The following P3H2 variants were observed in gnomAD, a reference collection of about 807,000 sequenced individuals.
The protein encoded by P3H2 is leprecan-like 1.
A neutral mutation model predicts 87.0 loss-of-function variants in P3H2; 80 were observed. That is an observed-to-expected ratio of 0.92 (90% CI 0.77 to 1.11). The LOEUF is 1.11. Ranked by LOEUF, P3H2 falls within the 50% of genes least tolerant of loss-of-function variation. The pLI is 0.00. For synonymous variants in P3H2, 367 were observed against 359.3 expected (o/e 1.02, Z -0.24); for missense variants, 1,001 against 923.9 (o/e 1.08, Z -1.08).
At chr3:190,047,054 C>A (rs1287034662) in intron 1 of P3H2, among the ~76,000 whole-genome samples, 5 of 141,066 alleles carry the variant, frequency 3.5e-5, no homozygotes, top group Non-Finnish European at 6.3e-5. Context: ...AACAAAAAAA[C>A]AAATAATCTG....
intron 13 of P3H2, chr3:189,969,722 A>C (rs1723112916): frequency 6.7e-7 from 1 of 1,497,938 alleles, no homozygotes; most frequent in Admixed American, 1.7e-5. Flanking sequence ...TATCTTCCCC[A>C]AAATTAAGAC....
intron 1 of P3H2, among the ~76,000 whole-genome samples, chr3:190,108,572 A>C (rs1159365576): frequency 6.6e-6 from 1 of 152,214 alleles, no homozygotes; most frequent in East Asian, 1.9e-4. Flanking sequence ...TTGATACAAA[A>C]CATCTCTGAA....
chr3:189,965,436 G>A (rs1722946256), intron 13 of P3H2, among the ~76,000 whole-genome samples: 1 of 152,020 alleles, frequency 6.6e-6, no homozygotes, highest in South Asian at 2.1e-4. Context: ...AGTGTTAAAG[G>A]GAAGAGCAGA....
chr3:190,006,338 A>G (rs892138963), intron 1 of P3H2, among the ~76,000 whole-genome samples: 1 of 152,240 alleles, frequency 6.6e-6, no homozygotes, highest in Non-Finnish European at 1.5e-5. Flanking sequence ...CAGCAGAAGT[A>G]TAATTAGAAG....
Position 190,089,983 on chromosome 3 carries a change from A to G in P3H2, c.480+30269T>C, listed in dbSNP as rs144101510. Among the ~76,000 whole-genome samples, 844 of 152,288 alleles carry G rather than the reference A, an allele frequency of 5.5e-3. 11 individuals are homozygous for G. Among genetic ancestry groups the G allele is most frequent in the African/African-American group, 0.019 (781 of 41,558 alleles). ...TGGGTCTGGCAGAGTCTCAGTGGTC[A>G]GTGAGGTAAAGAACTTGTGGTTTGG... On this transcript the variant is annotated intron_variant, in intron 1 of 14. Transcript: ENST00000319332.
chr3:190,095,526 T>A (rs1727547007), intron 1 of P3H2, among the ~76,000 whole-genome samples: 1 of 149,020 alleles, frequency 6.7e-6, no homozygotes, highest in Non-Finnish European at 1.5e-5. Flanking sequence ...TGAGCAACAA[T>A]AAGAGAGAGC....
rs200007107 is a variant in P3H2 at position 190,079,341 on chromosome 3, AAAATAAATAAATAAATAAAT to A, written c.480+40891_480+40910del. ...GTGACAAAGCAAGACTCTGTCTCAA[AAAATAAATAAATAAATAAAT>A]AAATAAATAAATAAATAAATAAATA... On this transcript the variant is annotated intron_variant, in intron 1 of 14. Coordinates refer to ENST00000319332, the MANE Select transcript of P3H2 (RefSeq NM_018192.4). Among the ~76,000 whole-genome samples, 28 of 142,038 alleles carry A rather than the reference AAAATAAATAAATAAATAAAT, an allele frequency of 2.0e-4. No individual in the cohort carries two copies. The East Asian group carries it at 3.0e-3, about 15-fold the overall frequency. 93.2% of individuals were successfully genotyped at this position (142,038 alleles called of 152,430 possible).
In P3H2 at chr3:190,114,079, C is replaced by CA. The variant is rs1220002187; in HGVS notation, c.480+6172dup. On this transcript the variant is annotated intron_variant, in intron 1 of 14. Coordinates refer to ENST00000319332, the MANE Select transcript of P3H2 (RefSeq NM_018192.4). ...TGGGCGACAGAGTGAGACTCCGTCT[C>CA]AAAAAAAAAAAAAAAAAAATGGCCA... is the stretch of plus-strand genomic sequence containing the variant. Among the ~76,000 whole-genome samples the CA allele has an allele frequency of 3.1e-3, 241 of 78,930 alleles. 5 individuals carry two copies. The highest frequency in any genetic ancestry group is 0.011 in the South Asian group (23 of 2,042). The allele number at this position is 78,930 out of a possible 152,430, so 51.8% of individuals were successfully genotyped here.
At chr3:190,077,044 A>T (rs781482094) in intron 1 of P3H2, among the ~76,000 whole-genome samples, 1 of 152,216 alleles carries the variant, frequency 6.6e-6, no homozygotes, top group Non-Finnish European at 1.5e-5. Context: ...TGTAACTGAA[A>T]AGAAAAAAAA....
chr3:189,966,196 G>T, intron 13 of P3H2, among the ~76,000 whole-genome samples: 1 of 138,736 alleles, frequency 7.2e-6, no homozygotes, highest in East Asian at 2.1e-4. Flanking sequence ...AGAAAGAAAA[G>T]CCTTCTGAGT....
chr3:189,972,456 C>A (rs710544), intron 11 of P3H2, among the ~76,000 whole-genome samples: 88,436 of 152,002 alleles, frequency 0.58, 25,956 homozygotes, highest in Non-Finnish European at 0.62. Flanking sequence ...AGAAATAATG[C>A]TGAGCAGGGA....
chr3:189,978,860 C>T (rs979949940), intron 8 of P3H2, among the ~76,000 whole-genome samples: 49 of 152,098 alleles, frequency 3.2e-4, no homozygotes, highest in African/African-American at 1.2e-3. Context: ...TTTCTGGGGC[C>T]TGATTTGATG....
intron 1 of P3H2, among the ~76,000 whole-genome samples, chr3:190,019,734 G>GC (rs71175325): frequency 0.48 from 59,487 of 124,232 alleles, 20,589 homozygotes; most frequent in Non-Finnish European, 0.56. Flanking sequence ...TCAAGAAGTT[G>GC]TGTGAGGAAG....
chr3:189,962,165 T>TC (rs1722837785), intron 14 of P3H2, among the ~76,000 whole-genome samples: 2 of 137,756 alleles, frequency 1.5e-5, no homozygotes, highest in South Asian at 4.8e-4. Flanking sequence ...CTTCTTCTTT[T>TC]TTTTTTTTTT....
chr3:190,037,226 C>T (rs117010285), intron 1 of P3H2, among the ~76,000 whole-genome samples: 1 of 152,092 alleles, frequency 6.6e-6, no homozygotes, highest in East Asian at 1.9e-4. Flanking sequence ...ATAATTTATA[C>T]CTTTTCAACT....
intron 13 of P3H2, chr3:189,969,564 C>T: frequency 7.8e-7 from 1 of 1,284,180 alleles, no homozygotes; most frequent in Non-Finnish European, 1.1e-6. Flanking sequence ...TGAATCTCCT[C>T]CCTCAAGGAG....
chr3:190,055,705 A>G lies in P3H2; in HGVS notation c.481-60263T>C, dbSNP rs952361637. On this transcript the variant is annotated intron_variant, in intron 1 of 14. Transcript: ENST00000319332. ...CTTGAGGCAAGTACAAACAAAATAG[A>G]TTCAGCGTTCCAAGAAAGAATACAG... Among the ~76,000 whole-genome samples, 4 of 152,326 alleles carry G rather than the reference A, an allele frequency of 2.6e-5. No homozygotes were observed. The East Asian group carries it at 7.7e-4, about 29-fold the overall frequency.
chr3:190,101,669 G>A (rs1421011783), intron 1 of P3H2, among the ~76,000 whole-genome samples: 1 of 152,140 alleles, frequency 6.6e-6, no homozygotes, highest in Non-Finnish European at 1.5e-5. Flanking sequence ...TCATAAACAT[G>A]AAAGTGCAAG....
intron 13 of P3H2, among the ~76,000 whole-genome samples, chr3:189,966,195 A>G (rs1056033727): frequency 3.6e-5 from 5 of 139,880 alleles, no homozygotes; most frequent in Non-Finnish European, 8.0e-5. Flanking sequence ...AAGAAAGAAA[A>G]GCCTTCTGAG....
Sources: allele counts gnomAD v4.1 joint callset (sites outside exome capture counted in the v4.1 genomes callset), GRCh38; gene constraint gnomAD v4.1.1; transcripts MANE v1.5; gene names NCBI Gene and HGNC (gene_info 2026-07-23, HGNC 2026-07-21).